Variants in MBOAT2 observed in about 807,000 individuals in gnomAD.
MBOAT2 encodes membrane bound glycerophospholipid O-acyltransferase 2.
Under a neutral mutation model 63.4 loss-of-function variants are expected in MBOAT2, and 28 were observed. The ratio of observed to expected loss-of-function variants is 0.44; its 90% CI spans 0.33 to 0.61. The LOEUF (loss-of-function observed/expected upper bound fraction) is 0.61. Among genes scored for constraint, MBOAT2 ranks in the 20% least tolerant of loss-of-function variants. The pLI is 0.03. For missense variants in MBOAT2, 470 were observed against 605.8 expected (o/e 0.78, Z 2.35); for synonymous variants, 211 against 215.6 (o/e 0.98, Z 0.19).
intron 4 of MBOAT2, among the ~76,000 whole-genome samples, chr2:8,906,896 A>C (rs531921476): frequency 1.5e-4 from 23 of 152,334 alleles, no homozygotes; most frequent in African/African-American, 5.3e-4. Flanking sequence ...CCAAAATACA[A>C]ACTAGAGAAA....
At chr2:8,949,881 A>G (rs1438415583) in intron 2 of MBOAT2, among the ~76,000 whole-genome samples, 1 of 152,298 alleles carries the variant, frequency 6.6e-6, no homozygotes, top group East Asian at 1.9e-4. Context: ...AAAAAATGAC[A>G]TTGGCAGTTT....
chr2:8,901,229 G>C (rs1404080599), intron 4 of MBOAT2, among the ~76,000 whole-genome samples: 1 of 152,160 alleles, frequency 6.6e-6, no homozygotes, highest in African/African-American at 2.4e-5. Flanking sequence ...CCAAGAACCT[G>C]CAACAGTCCC....
chr2:8,877,722 A>T (rs1662798358), intron 6 of MBOAT2, among the ~76,000 whole-genome samples: 1 of 152,242 alleles, frequency 6.6e-6, no homozygotes, highest in African/African-American at 2.4e-5. Context: ...TTAAGAAGTC[A>T]GAGAAGGCCT....
chr2:8,916,887 A>T (rs1346091435), intron 3 of MBOAT2, among the ~76,000 whole-genome samples: 1 of 152,186 alleles, frequency 6.6e-6, no homozygotes, highest in Non-Finnish European at 1.5e-5. Context: ...GGGGAATTAC[A>T]TTACCTGATT....
Position 9,003,635 on chromosome 2 carries a change from GCCGCCCGCGCCGCTCGC to G in MBOAT2, c.-38_-22del, listed in dbSNP as rs1258680938. On this transcript the variant is annotated 5_prime_UTR_variant, in exon 1 of 13. Transcript: ENST00000305997. This position sits in a 1 kb window ranked among gnomAD's most constrained non-coding sequence, Gnocchi z 5.4. ...GCCATGGCCGGGCCTCGGCGCTCCG[GCCGCCCGCGCCGCTCGC>G]CCGCTCGCGCTGTGCCGGGCGACGA... 2.6e-6 allele frequency: 3 copies of G among 1,152,192 alleles called. No homozygotes were observed. The highest frequency in any genetic ancestry group is 4.8e-5 in the Admixed American group (1 of 20,784). 71.4% of individuals were successfully genotyped at this position (1,152,192 alleles called of 1,614,324 possible). A position where few individuals can be genotyped will look rare whatever the true frequency, so the allele number is the denominator to read the frequency against.
At chr2:8,971,134 C>T (rs757970118) in intron 1 of MBOAT2, among the ~76,000 whole-genome samples, 38 of 152,258 alleles carry the variant, frequency 2.5e-4, no homozygotes, top group African/African-American at 7.9e-4. Flanking sequence ...ACTGGCAAAC[C>T]GAATCCAGCA....
intron 4 of MBOAT2, 63 bp downstream of exon 4, chr2:8,908,558 T>G: frequency 1.2e-6 from 1 of 865,398 alleles, no homozygotes; most frequent in Admixed American, 2.3e-5. Flanking sequence ...AAATATATTT[T>G]GTCCTTTAAC....
At chr2:8,963,554 T>A (rs2356773) in intron 1 of MBOAT2, among the ~76,000 whole-genome samples, 5 of 151,992 alleles carry the variant, frequency 3.3e-5, no homozygotes, top group African/African-American at 4.8e-5. Flanking sequence ...CCACCCGCCT[T>A]GGCCTCCCAA....
intron 2 of MBOAT2, among the ~76,000 whole-genome samples, chr2:8,954,072 CTT>C (rs1478848944): frequency 6.6e-6 from 1 of 151,958 alleles, no homozygotes; most frequent in Non-Finnish European, 1.5e-5. Flanking sequence ...AGATTTTTTT[CTT>C]TTTCTTTCCT....
rs573223316 is a variant in MBOAT2 at position 8,895,780 on chromosome 2, G to A, written c.396-7707C>T. ...GTTAGTTGAGCTCATTTGGGGTTCC[G>A]TTTGTAAGAACATCTGTAGGTTGAT... On this transcript the variant is annotated intron_variant, in intron 4 of 12. Transcript: ENST00000305997. 4.9e-4 allele frequency among the ~76,000 whole-genome samples: 75 copies of A among 152,264 alleles called. 1 individual carries two copies. In the South Asian group the frequency reaches 0.014, roughly 29 times the overall value.
chr2:8,874,594 C>T (rs1662571873), intron 7 of MBOAT2, among the ~76,000 whole-genome samples: 1 of 152,144 alleles, frequency 6.6e-6, no homozygotes, highest in Admixed American at 6.5e-5. Context: ...CGAAAACAGC[C>T]TGTATCCTGA....
chr2:8,979,361 T>C (rs1671045972), intron 1 of MBOAT2, among the ~76,000 whole-genome samples: 1 of 152,158 alleles, frequency 6.6e-6, no homozygotes, highest in Non-Finnish European at 1.5e-5. Flanking sequence ...TTTTAGAGTT[T>C]TAAAGTTTCC....
At chr2:8,870,800 T>C (rs1304235180) in intron 8 of MBOAT2, among the ~76,000 whole-genome samples, 1 of 152,230 alleles carries the variant, frequency 6.6e-6, no homozygotes, top group Non-Finnish European at 1.5e-5. Flanking sequence ...TTTCAAATTG[T>C]CATTCATATA....
At chr2:8,972,120 C>G (rs1670499927) in intron 1 of MBOAT2, among the ~76,000 whole-genome samples, 1 of 152,200 alleles carries the variant, frequency 6.6e-6, no homozygotes, top group Non-Finnish European at 1.5e-5. Context: ...TCAAACTATA[C>G]TAGAAGGCTA....
intron 11 of MBOAT2, 169 bp from the exon 12 acceptor site, chr2:8,860,933 A>G: frequency 1.8e-6 from 1 of 543,944 alleles, no homozygotes; most frequent in East Asian, 3.2e-5. Flanking sequence ...GTTCTAAAAA[A>G]GCGAATACAC....
rs1481026843 is a variant in MBOAT2 at position 8,931,030 on chromosome 2, T to A, written c.299+12157A>T. On this transcript the variant is annotated intron_variant, in intron 3 of 12. Transcript: ENST00000305997. The stretch of plus-strand genomic sequence containing the variant: ...CGCCACACCAAATCTTTGGCGTGGC[T>A]AAGGCAAGAACCTCTGGCATTACAG... Among the ~76,000 whole-genome samples the A allele has an allele frequency of 2.6e-5, 4 of 152,108 alleles. No individual in the cohort carries two copies. The East Asian group carries it at 7.7e-4, about 29-fold the overall frequency.
intron 1 of MBOAT2, among the ~76,000 whole-genome samples, chr2:8,959,333 G>C (rs960309398): frequency 1.8e-4 from 28 of 152,224 alleles, no homozygotes; most frequent in South Asian, 2.1e-4. Flanking sequence ...AACTGTTCTT[G>C]ACTTATAGAA....
rs1033876515 is a variant in MBOAT2, at chr2:9,003,151, G to A, written c.75+389C>T. On this transcript the variant is annotated intron_variant, in intron 1 of 12. Coordinates refer to ENST00000305997, the MANE Select transcript of MBOAT2 (RefSeq NM_138799.4). The surrounding 1 kb of genome is among the most constrained non-coding windows in gnomAD (Gnocchi z 5.4). Reference sequence around the variant, plus strand: ...CAGGCTCCCCAAAGCGCAGCCTTCCGCACCCTTTCCACAACCCGGTCCATG... The same window carrying A: ...CAGGCTCCCCAAAGCGCAGCCTTCCACACCCTTTCCACAACCCGGTCCATG... Among the ~76,000 whole-genome samples, 2 of 152,058 alleles carry A rather than the reference G, an allele frequency of 1.3e-5. No homozygotes were observed. Among genetic ancestry groups the A allele is most frequent in the African/African-American group, 2.4e-5 (1 of 41,422 alleles).
rs566143114 is a variant in MBOAT2 at position 8,984,856 on chromosome 2, CTTCAT to C, written c.75+18679_75+18683del. On this transcript the variant is annotated intron_variant, in intron 1 of 12. Transcript: ENST00000305997. ...AATATCAATCCTTCAGCCTCCCTAT[CTTCAT>C]TACCAAAACAGGAGGAGTCAGACAG... Among the ~76,000 whole-genome samples the C allele has an allele frequency of 2.7e-3, 416 of 152,276 alleles. 2 individuals are homozygous for C. The highest frequency in any genetic ancestry group is 4.2e-3 in the Non-Finnish European group (289 of 68,024).
Sources: allele counts gnomAD v4.1 joint callset (sites outside exome capture counted in the v4.1 genomes callset), GRCh38; gene constraint gnomAD v4.1.1; non-coding constraint Gnocchi (gnomAD v3.1); transcripts MANE v1.5; gene names NCBI Gene and HGNC (gene_info 2026-07-23, HGNC 2026-07-21).